Variants in RPLP2 observed in about 807,000 individuals in gnomAD.
RPLP2 encodes the protein ribosomal protein lateral stalk subunit P2.
Under a neutral mutation model 11.5 loss-of-function variants are expected in RPLP2, and 1 was observed. The observed-to-expected ratio is 0.09, with a 90% CI of 0.03 to 0.41. The LOEUF (loss-of-function observed/expected upper bound fraction) is 0.41. Ranked by LOEUF, RPLP2 falls within the 10% of genes least tolerant of loss-of-function variation. The pLI is 0.98. For missense variants in RPLP2, 177 were observed against 145.6 expected (o/e 1.22, Z -1.11); for synonymous variants, 82 against 55.9 (o/e 1.47, Z -2.08).
At chr11:811,271 T>C (rs1378498503) in intron 2 of RPLP2, 7 of 387,302 alleles carry the variant, frequency 1.8e-5, no homozygotes, top group African/African-American at 8.2e-5. Flanking sequence ...TGCAGTGAGA[T>C]CCTACCACTG....
At chr11:812,206 G>A (rs546420426) in intron 3 of RPLP2, 63 of 424,076 alleles carry the variant, frequency 1.5e-4, no homozygotes, top group South Asian at 1.4e-3. Context: ...CAGAGATGTG[G>A]ATACTGGGGC....
rs751938177 is a variant in RPLP2 at position 812,555 on chromosome 11, G to A, written c.193G>A (p.Val65Ile). 8.1e-6 allele frequency: 13 copies of A among 1,609,570 alleles called. No individual in the cohort carries two copies. The highest frequency in any genetic ancestry group is 1.1e-5 in the South Asian group (1 of 90,996). The change falls in exon 4 of 5, where the codon GTA becomes ATA. Residue 65 changes from valine to isoleucine, a missense_variant. By Grantham distance (29) the Val-to-Ile change is conservative (BLOSUM62 3). Transcript: ENST00000321153. ...IAQGIGKLAS[V>I]PAGGAVAVSA... The stretch of plus-strand genomic sequence containing the variant: ...TGTAGGTATTGGCAAGCTTGCCAGT[G>A]TACCTGCTGGTGGGGCTGTAGCCGT...
intron 3 of RPLP2, chr11:812,133 T>C: frequency 2.6e-6 from 1 of 379,008 alleles, no homozygotes; most frequent in Non-Finnish European, 5.0e-6. Context: ...TTGTCTTCCA[T>C]GCATGTGACC....
chr11:810,252 C>G lies in RPLP2; in HGVS notation c.18C>G (p.Ser6=). The change falls in exon 2 of 5, where the codon TCC becomes TCG. Residue 6 remains serine (S), a synonymous_variant. Coordinates refer to ENST00000321153, the MANE Select transcript of RPLP2 (RefSeq NM_001004.4). ...GCCTCAGGATGCGCTACGTCGCCTC[C>G]TACCTGCTGGCTGCCCTAGGGGGCA... is the stretch of plus-strand genomic sequence containing the variant. MRYVA[S]YLLAALGGNS... The G allele has an allele frequency of 6.3e-7, 1 of 1,592,886 alleles. No homozygotes were observed. Among genetic ancestry groups the G allele is most frequent in the Non-Finnish European group, 8.5e-7 (1 of 1,171,644 alleles).
intron 3 of RPLP2, 153 bp downstream of exon 3, chr11:811,798 G>A (rs2133837149): frequency 1.1e-6 from 1 of 930,272 alleles, no homozygotes; most frequent in Non-Finnish European, 1.8e-6. Flanking sequence ...TCACGTCATG[G>A]GCACTTCTAG....
rs1232481013 is a variant in RPLP2, at chr11:812,609, G to C, written c.247G>C (p.Ala83Pro). The C allele has an allele frequency of 1.2e-6, 2 of 1,609,814 alleles. No homozygotes were observed. The highest frequency in any genetic ancestry group is 2.2e-5 in the South Asian group (2 of 90,994). ...VSAAPGSAAP[A>P]AGSAPAAAEE... ...TGCTGCCCCAGGCTCTGCAGCCCCT[G>C]CTGCTGGTTCTGCCCCTGCTGCAGG... Residue 83 changes from alanine to proline, a missense_variant, in exon 4 of 5, where the codon GCT becomes CCT. Ala to Pro is a conservative substitution (Grantham distance 27). Transcript: ENST00000321153.
At position 810,139 on chromosome 11, in the gene RPLP2, C is replaced by T. The variant is rs1865979346; in HGVS notation, c.-1-95C>T. On this transcript the variant is annotated intron_variant, in intron 1 of 4. Transcript: ENST00000321153. The stretch of plus-strand genomic sequence containing the variant: ...TATTTTTGGGACGGAGGCCTACGGG[C>T]CGAGCCACGCGCGGCCTCGCCCGGC... 7 of 1,358,882 alleles carry T rather than the reference C, an allele frequency of 5.2e-6. No homozygotes were observed. The Admixed American group carries it at 1.1e-4, about 21-fold the overall frequency. The allele number at this position is 1,358,882 out of a possible 1,614,324, so 84.2% of individuals were successfully genotyped here.
rs900414987 is a variant in RPLP2, at chr11:812,531, G to C, written c.173-4G>C. Reference sequence around the variant, plus strand: ...CTCTGGTCTCACCTCTCTGCTTTCTGTAGGTATTGGCAAGCTTGCCAGTGT... The same window carrying C: ...CTCTGGTCTCACCTCTCTGCTTTCTCTAGGTATTGGCAAGCTTGCCAGTGT... On this transcript the variant is annotated splice_region_variant and splice_polypyrimidine_tract_variant and intron_variant, in intron 3 of 4. Coordinates refer to ENST00000321153, the MANE Select transcript of RPLP2 (RefSeq NM_001004.4). 6.2e-7 allele frequency: 1 copy of C among 1,609,042 alleles called. No homozygotes were observed.
intron 1 of RPLP2, 45 bp from the exon 2 acceptor site, chr11:810,189 G>A (rs1400315537): frequency 2.1e-6 from 3 of 1,451,132 alleles, no homozygotes; most frequent in Admixed American, 2.6e-5. Context: ...CCGGCAGGAG[G>A]CCGCCGGGGT....
In RPLP2 at chr11:810,256, C is replaced by G; in HGVS notation, c.22C>G (p.Leu8Val). 1 of 1,596,124 alleles carries G rather than the reference C, an allele frequency of 6.3e-7. No homozygotes were observed. The highest frequency in any genetic ancestry group is 1.1e-5 in the South Asian group (1 of 88,906). Residue 8 changes from leucine to valine, a missense_variant, in exon 2 of 5, where the codon CTG becomes GTG. Leu to Val is a conservative substitution (Grantham distance 32, BLOSUM62 1). Coordinates refer to ENST00000321153, the MANE Select transcript of RPLP2 (RefSeq NM_001004.4). MRYVASY[L>V]LAALGGNSSP... is the part of the protein sequence containing the mutation. ...CAGGATGCGCTACGTCGCCTCCTAC[C>G]TGCTGGCTGCCCTAGGGGGCAACTC...
chr11:812,757 C>T lies in RPLP2; in HGVS notation c.272-3C>T. On this transcript the variant is annotated splice_region_variant and splice_polypyrimidine_tract_variant and intron_variant, in intron 4 of 4. Coordinates refer to ENST00000321153, the MANE Select transcript of RPLP2 (RefSeq NM_001004.4). ...CTCACCATGCCTCTCCTCTGTTCCA[C>T]AGCAGAGGAGAAGAAAGATGAGAAG... 6.2e-7 allele frequency: 1 copy of T among 1,609,818 alleles called. No homozygotes were observed.
Position 811,662 on chromosome 11 carries a change from G to T in RPLP2, c.172+17G>T. The stretch of plus-strand genomic sequence containing the variant: ...TTGCCCAGGGTGAGTTGATGTGGAC[G>T]GGCTTTCGTTTGTTTTCATGGTCCA... On this transcript the variant is annotated intron_variant, in intron 3 of 4. Transcript: ENST00000321153. 6.2e-7 allele frequency: 1 copy of T among 1,614,178 alleles called. No homozygotes were observed. Among genetic ancestry groups the T allele is most frequent in the South Asian group, 1.1e-5 (1 of 91,088 alleles).
intron 1 of RPLP2, 37 bp downstream of exon 1, chr11:810,076 G>T (rs1178480871): frequency 2.2e-6 from 2 of 902,684 alleles, no homozygotes; most frequent in African/African-American, 1.8e-5. Context: ...GCCGGCTGGG[G>T]ACGCGGAGTC....
chr11:810,430 C>T (rs902241828), intron 2 of RPLP2, 73 bp downstream of exon 2: 3 of 1,420,378 alleles, frequency 2.1e-6, no homozygotes, highest in South Asian at 2.5e-5. Context: ...CTGCCTGATC[C>T]GGCCACATGC....
intron 3 of RPLP2, chr11:812,069 T>G (rs539646029): frequency 4.7e-5 from 18 of 381,744 alleles, no homozygotes; most frequent in Non-Finnish European, 7.0e-5. Flanking sequence ...TTTTGTTGGC[T>G]TCAGCTGAGC....
chr11:811,728 G>A (rs766482774), intron 3 of RPLP2, 83 bp downstream of exon 3: 14 of 1,577,984 alleles, frequency 8.9e-6, no homozygotes, highest in South Asian at 3.3e-5. Context: ...GCCAGGTTTC[G>A]CTTGTGGACC....
In RPLP2 at chr11:812,611, T is replaced by A. The variant is rs764860643; in HGVS notation, c.249T>A (p.Ala83=). The A allele has an allele frequency of 1.2e-6, 2 of 1,609,740 alleles. No individual in the cohort carries two copies. The highest frequency in any genetic ancestry group is 1.7e-6 in the Non-Finnish European group (2 of 1,179,852). The change falls in exon 4 of 5, where the codon GCT becomes GCA. Residue 83 remains alanine, a synonymous_variant. Transcript: ENST00000321153. The part of the protein sequence containing the change: ...VSAAPGSAAP[A]AGSAPAAAEE... ...CTGCCCCAGGCTCTGCAGCCCCTGC[T>A]GCTGGTTCTGCCCCTGCTGCAGGTA...
intron 2 of RPLP2, 60 bp downstream of exon 2, chr11:810,417 CTTCT>C: frequency 6.6e-7 from 1 of 1,511,010 alleles, no homozygotes; most frequent in Non-Finnish European, 9.0e-7. Flanking sequence ...ACAGGCGATT[CTTCT>C]GCCTGATCCG....
rs1241469115 is a variant in RPLP2, at chr11:810,252, C to T, written c.18C>T (p.Ser6=). The change falls in exon 2 of 5, where the codon TCC becomes TCT. Residue 6 remains serine, a synonymous_variant. Coordinates refer to ENST00000321153, the MANE Select transcript of RPLP2 (RefSeq NM_001004.4). ...GCCTCAGGATGCGCTACGTCGCCTCCTACCTGCTGGCTGCCCTAGGGGGCA... is the reference window on the plus strand; with the variant it reads ...GCCTCAGGATGCGCTACGTCGCCTCTTACCTGCTGGCTGCCCTAGGGGGCA... MRYVA[S]YLLAALGGNS... 5 of 1,592,886 alleles carry T rather than the reference C, an allele frequency of 3.1e-6. No individual in the cohort carries two copies. Among genetic ancestry groups the T allele is most frequent in the Non-Finnish European group, 3.4e-6 (4 of 1,171,644 alleles).
Sources: gnomAD v4.1 joint callset for allele counts on GRCh38, gnomAD v4.1.1 for gene constraint, MANE v1.5 for transcripts, NCBI Gene and HGNC (gene_info 2026-07-23, HGNC 2026-07-21) for gene names.